The following SOX5 variants were observed in gnomAD, a reference collection of about 807,000 sequenced individuals.
The protein encoded by SOX5 is transcription factor SOX-5.
Under a neutral mutation model 92.0 loss-of-function variants are expected in SOX5, and 9 were observed. The observed-to-expected ratio is 0.10, with a 90% CI of 0.06 to 0.17. SOX5 has a LOEUF of 0.17. Among genes scored for constraint, SOX5 ranks in the 10% least tolerant of loss-of-function variants. The pLI is 1.00. For missense variants in SOX5, 642 were observed against 944.5 expected, an observed-to-expected ratio of 0.68 and a Z score of 4.20; for synonymous variants, 344 against 336.3, an observed-to-expected ratio of 1.02 and a Z score of -0.25.
At chr12:24,059,653 C>G (rs1277693058) in intron 4 of SOX5, among the ~76,000 whole-genome samples, 1 of 152,110 alleles carries the variant, frequency 6.6e-6, no homozygotes, top group Non-Finnish European at 1.5e-5. Flanking sequence ...GACCCCCTGC[C>G]CCAACCTCAA....
At chr12:24,396,011 A>G (rs879217448) in intron 1 of SOX5, among the ~76,000 whole-genome samples, 3 of 152,202 alleles carry the variant, frequency 2.0e-5, no homozygotes, top group East Asian at 1.9e-4. Flanking sequence ...GCAATTGTTT[A>G]AGAGAGTCTA....
chr12:23,576,245 G>T (rs1949091854), intron 9 of SOX5, among the ~76,000 whole-genome samples: 1 of 151,626 alleles, frequency 6.6e-6, no homozygotes, highest in African/African-American at 2.4e-5. Context: ...TTTGTACCCT[G>T]GTACCTAGGC....
chr12:23,667,854 C>A (rs1214662244), intron 6 of SOX5, among the ~76,000 whole-genome samples: 1 of 152,088 alleles, frequency 6.6e-6, no homozygotes, highest in African/African-American at 2.4e-5. Flanking sequence ...TAAATGTAAT[C>A]CAAAATGTGT....
intron 4 of SOX5, among the ~76,000 whole-genome samples, chr12:24,000,205 C>A (rs1215861722): frequency 1.3e-5 from 2 of 151,170 alleles, no homozygotes; most frequent in African/African-American, 4.9e-5. Context: ...AAAATTAGAA[C>A]AGATAAGAAG....
chr12:23,710,554 C>T (rs911755312), intron 6 of SOX5, among the ~76,000 whole-genome samples: 2 of 152,054 alleles, frequency 1.3e-5, no homozygotes, highest in African/African-American at 4.8e-5. Context: ...TCCATGTCCC[C>T]ACAAAGGACA....
intron 4 of SOX5, among the ~76,000 whole-genome samples, chr12:24,095,178 C>CAG (rs139414194): frequency 2.0e-4 from 23 of 117,456 alleles, no homozygotes; most frequent in African/African-American, 2.9e-4. Context: ...GAGACAGAGA[C>CAG]AGAGAGAGAG....
At chr12:23,675,736 A>G (rs2085563351) in intron 6 of SOX5, among the ~76,000 whole-genome samples, 1 of 152,216 alleles carries the variant, frequency 6.6e-6, no homozygotes, top group African/African-American at 2.4e-5. Context: ...AAAGGAAATA[A>G]TCAACAAAAT....
At chr12:24,334,044 T>C (rs959848859) in intron 2 of SOX5, among the ~76,000 whole-genome samples, 1 of 151,672 alleles carries the variant, frequency 6.6e-6, no homozygotes, top group African/African-American at 2.4e-5. Context: ...GGTTATTTAA[T>C]GAATGAATTG....
intron 5 of SOX5, 93 bp downstream of exon 5, chr12:23,740,774 C>T: frequency 9.4e-7 from 1 of 1,062,644 alleles, no homozygotes; most frequent in Non-Finnish European, 1.3e-6. Context: ...GGAAGGGACT[C>T]TTATTCATTG....
rs544791473 is a variant in SOX5 at position 23,616,896 on chromosome 12, G to C, written c.1018-12363C>G. Among the ~76,000 whole-genome samples the C allele has an allele frequency of 2.5e-4, 38 of 152,176 alleles. No individual in the cohort carries two copies. In the South Asian group the frequency reaches 6.4e-3, roughly 26 times the overall value. ...GAACTCTGAGAGGCCAAGGTGGGAC[G>C]ATCACTTGAGGGCAGGAGTTTGAGA... On this transcript the variant is annotated intron_variant, in intron 8 of 14. Coordinates refer to ENST00000451604, the MANE Select transcript of SOX5 (RefSeq NM_006940.6).
At chr12:24,369,479 T>C (rs1224895833) in intron 1 of SOX5, among the ~76,000 whole-genome samples, 3 of 152,222 alleles carry the variant, frequency 2.0e-5, no homozygotes, top group Non-Finnish European at 4.4e-5. Context: ...TGAGCTCCCC[T>C]GGCTGGCAAT....
chr12:24,438,474 G>T (rs1348858215), intron 1 of SOX5, among the ~76,000 whole-genome samples: 2 of 152,032 alleles, frequency 1.3e-5, no homozygotes, highest in East Asian at 3.9e-4. Flanking sequence ...GGCTATAGCT[G>T]CCATAGATAG....
intron 7 of SOX5, among the ~76,000 whole-genome samples, chr12:23,644,549 G>A (rs549360165): frequency 2.4e-4 from 37 of 152,304 alleles, no homozygotes; most frequent in African/African-American, 7.9e-4. Flanking sequence ...ACACTGAGGT[G>A]TTTTACAGTA....
intron 1 of SOX5, among the ~76,000 whole-genome samples, chr12:24,444,270 ATGTGTGTGTGTGTGTGTG>A (rs56206607): frequency 3.4e-5 from 5 of 149,154 alleles, no homozygotes; most frequent in African/African-American, 9.9e-5. Flanking sequence ...AGGCCACTGA[ATGTGTGTGTGTGTGTGTG>A]TGTGTGTGTG....
At chr12:23,753,526 A>G (rs370360743) in intron 4 of SOX5, among the ~76,000 whole-genome samples, 1 of 151,892 alleles carries the variant, frequency 6.6e-6, no homozygotes, top group African/African-American at 2.4e-5. Flanking sequence ...ATTATTTTAA[A>G]TTAACCTTCA....
At chr12:23,776,417 T>C (rs553003323) in intron 3 of SOX5, among the ~76,000 whole-genome samples, 1 of 152,328 alleles carries the variant, frequency 6.6e-6, no homozygotes, top group East Asian at 1.9e-4. Flanking sequence ...AGAAATTTTA[T>C]TTTTGAAACA....
At chr12:23,979,310 G>A (rs1949253891) in intron 4 of SOX5, among the ~76,000 whole-genome samples, 1 of 152,058 alleles carries the variant, frequency 6.6e-6, no homozygotes, top group Admixed American at 6.6e-5. Flanking sequence ...TGCAACCTCT[G>A]CTTCCCAGGT....
chr12:23,846,523 C>T (rs1304678673), intron 2 of SOX5, among the ~76,000 whole-genome samples: 3 of 152,062 alleles, frequency 2.0e-5, no homozygotes, highest in Admixed American at 6.6e-5. Flanking sequence ...TAGTCCTATA[C>T]GAAGCCTATA....
exon 1 of SOX5, chr12:24,562,398 GC>G: frequency 6.5e-6 from 1 of 153,034 alleles, no homozygotes; most frequent in Non-Finnish European, 1.5e-5. Context: ...CGGGCTGGGG[GC>G]CCCCGGGAGG....
Sources: gnomAD v4.1 joint callset for allele counts (sites outside exome capture counted in the v4.1 genomes callset) on GRCh38, gnomAD v4.1.1 for gene constraint, MANE v1.5 for transcripts, NCBI Gene and HGNC (gene_info 2026-07-23, HGNC 2026-07-21) for gene names.